N4BP2: variants seen among roughly 807,000 people sequenced by gnomAD.
N4BP2 encodes the protein NEDD4 binding protein 2.
A neutral mutation model predicts 152.8 loss-of-function variants in N4BP2; 91 were observed. The observed-to-expected ratio is 0.60, with a 90% CI of 0.50 to 0.71. The LOEUF (loss-of-function observed/expected upper bound fraction) is 0.71, where lower values mean the gene tolerates loss of function less well. Ranked by LOEUF, N4BP2 falls within the 30% of genes least tolerant of loss-of-function variation. The probability of loss-of-function intolerance (pLI) is 0.00; values close to 1 mark genes in which losing one functional copy is unlikely to be tolerated. For synonymous variants in N4BP2, 646 were observed against 705.3 expected (o/e 0.92, Z 1.33); for missense variants, 1,923 against 2,059.1 (o/e 0.93, Z 1.28).
chr4:40,124,737 A>G (rs573441490), intron 11 of N4BP2, among the ~76,000 whole-genome samples: 3 of 152,352 alleles, frequency 2.0e-5, no homozygotes, highest in Admixed American at 6.5e-5. Context: ...TTGAACTTTC[A>G]TGAGTGCTGT....
At chr4:40,097,197 CTGAG>C (rs1715181232) in intron 2 of N4BP2, 26 bp from the exon 3 acceptor site, 2 of 641,222 alleles carry the variant, frequency 3.1e-6, no homozygotes, top group Non-Finnish European at 5.4e-6. Flanking sequence ...TATATATAGT[CTGAG>C]TGTTTTTAAT....
At position 40,158,129 on chromosome 4, in the gene N4BP2, A is replaced by T. The variant is rs981243414; in HGVS notation, c.*3892A>T. On this transcript the variant is annotated 3_prime_UTR_variant, in exon 18 of 18. Coordinates refer to ENST00000261435, the MANE Select transcript of N4BP2 (RefSeq NM_018177.6). ...ATGTTTTTATTTGTACTGTATAGAAAATGTAATTTTGCTGTTAACTCTGTA... is the reference window on the plus strand; with the variant it reads ...ATGTTTTTATTTGTACTGTATAGAATATGTAATTTTGCTGTTAACTCTGTA... The T allele has an allele frequency of 6.6e-6, 1 of 152,312 alleles. No homozygotes were observed. Among genetic ancestry groups the T allele is most frequent in the African/African-American group, 2.4e-5 (1 of 41,568 alleles). 9.4% of individuals were successfully genotyped at this position (152,312 alleles called of 1,614,324 possible).
At chr4:40,150,900 A>G (rs140246892) in intron 16 of N4BP2, among the ~76,000 whole-genome samples, 10 of 152,324 alleles carry the variant, frequency 6.6e-5, no homozygotes, top group Admixed American at 1.3e-4. Flanking sequence ...GACTTTTATT[A>G]ATTTTATAAG....
chr4:40,058,318 C>T (rs1733385410), intron 1 of N4BP2, among the ~76,000 whole-genome samples: 1 of 152,112 alleles, frequency 6.6e-6, no homozygotes, highest in African/African-American at 2.4e-5. Flanking sequence ...TTTTGATAAA[C>T]GTGGTTCCAT....
At chr4:40,067,467 A>G (rs1481078649) in intron 1 of N4BP2, among the ~76,000 whole-genome samples, 1 of 148,706 alleles carries the variant, frequency 6.7e-6, no homozygotes, top group South Asian at 2.1e-4. Flanking sequence ...CCTCTTGACT[A>G]TTGTGAATAA....
intron 1 of N4BP2, among the ~76,000 whole-genome samples, chr4:40,059,697 G>T (rs1193898154): frequency 1.3e-5 from 2 of 152,074 alleles, no homozygotes; most frequent in African/African-American, 4.8e-5. Flanking sequence ...TAATGAGTAA[G>T]CATACATCAA....
chr4:40,066,465 T>C (rs1478525309), intron 1 of N4BP2, among the ~76,000 whole-genome samples: 1 of 151,642 alleles, frequency 6.6e-6, no homozygotes, highest in African/African-American at 2.4e-5. Flanking sequence ...ACTACAGGCA[T>C]GTGCCACCAC....
At chr4:40,165,046 T>A in the N4BP2 span, among the ~76,000 whole-genome samples, 1 of 152,142 alleles carries the variant, frequency 6.6e-6, no homozygotes, top group Non-Finnish European at 1.5e-5. Flanking sequence ...CAAAAATAAT[T>A]TTTGGCAGTG....
intron 2 of N4BP2, among the ~76,000 whole-genome samples, chr4:40,078,529 T>A (rs557509422): frequency 3.3e-5 from 5 of 151,798 alleles, no homozygotes; most frequent in Admixed American, 6.6e-5. Flanking sequence ...TTTTTTTTTT[T>A]ACTTTTTTTC....
chr4:40,102,226 T>C lies in N4BP2; in HGVS notation c.381T>C (p.Asp127=). 6.2e-7 allele frequency: 1 copy of C among 1,614,034 alleles called. No individual in the cohort carries two copies. The highest frequency in any genetic ancestry group is 8.5e-7 in the Non-Finnish European group (1 of 1,179,982). Residue 127 remains aspartate (D), a synonymous_variant, in exon 4 of 18, where the codon GAT becomes GAC. Transcript: ENST00000261435. Reference sequence around the variant, plus strand: ...AACGTCCTGAAGAAGAGAGTGAAGATTCAAAAATGGATTCATTTTTGGACA... The same window carrying C: ...AACGTCCTGAAGAAGAGAGTGAAGACTCAAAAATGGATTCATTTTTGGACA... The part of the protein sequence containing the change: ...MEKRPEEESE[D]SKMDSFLDMQ...
downstream of N4BP2, among the ~76,000 whole-genome samples, chr4:40,161,730 G>A (rs547909103): frequency 1.3e-5 from 2 of 152,298 alleles, no homozygotes; most frequent in African/African-American, 4.8e-5. Context: ...TGGTAAATGG[G>A]AAAGATAGAT....
chr4:40,151,320 C>CT (rs1329562981), intron 16 of N4BP2, among the ~76,000 whole-genome samples: 3 of 152,176 alleles, frequency 2.0e-5, no homozygotes, highest in African/African-American at 7.2e-5. Context: ...GTTGCCCAGG[C>CT]TGGCAGTTGG....
chr4:40,180,709 T>C, the N4BP2 span, among the ~76,000 whole-genome samples: 2 of 152,222 alleles, frequency 1.3e-5, no homozygotes, highest in Non-Finnish European at 2.9e-5. Context: ...TTAATTATGG[T>C]ACTTCCATAC....
At chr4:40,095,649 G>A (rs1715041069) in intron 2 of N4BP2, among the ~76,000 whole-genome samples, 1 of 152,136 alleles carries the variant, frequency 6.6e-6, no homozygotes. Flanking sequence ...TAAGGGCAAT[G>A]GATAGTTAGC....
chr4:40,139,266 C>T (rs1482303580), intron 14 of N4BP2, among the ~76,000 whole-genome samples: 2 of 151,874 alleles, frequency 1.3e-5, no homozygotes, highest in African/African-American at 4.8e-5. Flanking sequence ...TTTGATATTA[C>T]TTTTAAATTA....
At chr4:40,163,487 A>G in the N4BP2 span, among the ~76,000 whole-genome samples, 1 of 152,266 alleles carries the variant, frequency 6.6e-6, no homozygotes, top group South Asian at 2.1e-4. Flanking sequence ...GGATGGATAT[A>G]TGATCATACC....
chr4:40,130,410 ATTGTTACCTC>A (rs1362559298), intron 12 of N4BP2, among the ~76,000 whole-genome samples: 1 of 152,092 alleles, frequency 6.6e-6, no homozygotes, highest in African/African-American at 2.4e-5. Flanking sequence ...TTTTAGTCAT[ATTGTTACCTC>A]TTGTGGTTCC....
intron 14 of N4BP2, among the ~76,000 whole-genome samples, chr4:40,141,904 A>G (rs1478425834): frequency 1.3e-5 from 2 of 152,210 alleles, no homozygotes; most frequent in African/African-American, 2.4e-5. Context: ...CGGCCAACAC[A>G]GCGAAACCCC....
chr4:40,136,477 C>T (rs28691166), intron 13 of N4BP2, among the ~76,000 whole-genome samples: 2,675 of 152,150 alleles, frequency 0.018, 76 homozygotes, highest in African/African-American at 0.062. Context: ...CTCTGCCTTC[C>T]GGGTTCAAGC....
Sources: gnomAD v4.1 joint callset for allele counts (sites outside exome capture counted in the v4.1 genomes callset) on GRCh38, gnomAD v4.1.1 for gene constraint, MANE v1.5 for transcripts, NCBI Gene and HGNC (gene_info 2026-07-23, HGNC 2026-07-21) for gene names.